IGFBP2: variants seen among roughly 807,000 people sequenced by gnomAD.
IGFBP2 encodes insulin-like growth factor-binding protein 2.
IGFBP2 carries 12 observed loss-of-function variants against 26.2 expected under a neutral mutation model. That is an observed-to-expected ratio of 0.46 (90% CI 0.29 to 0.74). The LOEUF (loss-of-function observed/expected upper bound fraction) is 0.74, where lower values mean the gene tolerates loss of function less well. Among genes scored for constraint, IGFBP2 ranks in the 30% least tolerant of loss-of-function variants. The pLI is 0.09. For synonymous variants in IGFBP2, 189 were observed against 200.6 expected (o/e 0.94, Z 0.49); for missense variants, 328 against 441.2 (o/e 0.74, Z 2.30).
chr2:216,646,309 T>C (rs1697708475), intron 1 of IGFBP2, among the ~76,000 whole-genome samples: 1 of 152,148 alleles, frequency 6.6e-6, no homozygotes, highest in Non-Finnish European at 1.5e-5. Context: ...GATTGCATCA[T>C]CGAAACTGAA....
intron 1 of IGFBP2, among the ~76,000 whole-genome samples, chr2:216,638,420 G>A (rs1019318385): frequency 2.0e-5 from 3 of 151,716 alleles, no homozygotes; most frequent in African/African-American, 4.8e-5. Context: ...TAGGAGAATC[G>A]CTTGAACCTG....
chr2:216,633,763 G>A lies in IGFBP2; in HGVS notation c.240G>A (p.Arg80=). The A allele has an allele frequency of 7.4e-7, 1 of 1,351,580 alleles. No homozygotes were observed. Among genetic ancestry groups the A allele is most frequent in the Non-Finnish European group, 9.5e-7 (1 of 1,055,566 alleles). 83.7% of individuals were successfully genotyped at this position (1,351,580 alleles called of 1,614,324 possible). A position where few individuals can be genotyped will look rare whatever the true frequency, so the allele number is the denominator to read the frequency against. ...GCATGCCATGCGCGGAGCTCGTCCG[G>A]GAGCCGGGCTGCGGCTGCTGCTCGG... ...GARMPCAELV[R]EPGCGCCSVC... The change falls in exon 1 of 4, where the codon CGG becomes CGA. Residue 80 remains arginine, a synonymous_variant. Transcript: ENST00000233809.
At chr2:216,644,153 G>A (rs1697665962) in intron 1 of IGFBP2, among the ~76,000 whole-genome samples, 1 of 150,804 alleles carries the variant, frequency 6.6e-6, no homozygotes, top group Non-Finnish European at 1.5e-5. Flanking sequence ...AGCAACTGTA[G>A]TCAGGAATTT....
chr2:216,651,886 C>G (rs761024172), intron 1 of IGFBP2, among the ~76,000 whole-genome samples: 1 of 152,200 alleles, frequency 6.6e-6, no homozygotes, highest in Non-Finnish European at 1.5e-5. Flanking sequence ...CTCAGCCTCT[C>G]AAGTAGCTGG....
intron 1 of IGFBP2, among the ~76,000 whole-genome samples, chr2:216,652,584 G>A (rs933411613): frequency 6.6e-6 from 1 of 152,202 alleles, no homozygotes; most frequent in Non-Finnish European, 1.5e-5. Flanking sequence ...TGGCATTCAG[G>A]GTTCTTGACT....
chr2:216,663,885 C>T (rs1186444074), intron 3 of IGFBP2, 55 bp from the exon 4 acceptor site: 17 of 1,568,212 alleles, frequency 1.1e-5, no homozygotes, highest in Non-Finnish European at 1.4e-5. Context: ...GGTTGAGGGA[C>T]AGAAGGAAAG....
intron 1 of IGFBP2, among the ~76,000 whole-genome samples, chr2:216,644,916 G>A (rs1440894364): frequency 1.3e-5 from 2 of 152,190 alleles, no homozygotes; most frequent in Non-Finnish European, 2.9e-5. Context: ...ACTCACACAT[G>A]CAGAAAAGCA....
intron 1 of IGFBP2, among the ~76,000 whole-genome samples, chr2:216,637,562 A>G (rs934860427): frequency 1.3e-5 from 2 of 152,252 alleles, no homozygotes; most frequent in African/African-American, 4.8e-5. Context: ...TGTGGTGGTA[A>G]TGACCCACTT....
chr2:216,637,597 G>A (rs189051235), intron 1 of IGFBP2, among the ~76,000 whole-genome samples: 3 of 152,328 alleles, frequency 2.0e-5, no homozygotes, highest in East Asian at 1.9e-4. Flanking sequence ...TTTGAGGAAG[G>A]TTCGAGAACA....
Position 216,660,547 on chromosome 2 carries a change from C to G in IGFBP2, c.443-10C>G. 2 of 1,586,372 alleles carry G rather than the reference C, an allele frequency of 1.3e-6. No individual in the cohort carries two copies. The highest frequency in any genetic ancestry group is 1.7e-5 in the Admixed American group (1 of 57,946). ...GACCTGGAGCTTTTCTTCCCTTCCT[C>G]TCTTGGCAGACAATGGCGATGACCA... On this transcript the variant is annotated splice_polypyrimidine_tract_variant and intron_variant, in intron 1 of 3. Transcript: ENST00000233809.
chr2:216,640,082 C>T (rs948528089), intron 1 of IGFBP2, among the ~76,000 whole-genome samples: 2 of 152,132 alleles, frequency 1.3e-5, no homozygotes, highest in African/African-American at 2.4e-5. Flanking sequence ...CTTTCCTTTC[C>T]CACACTTCTC....
chr2:216,653,427 A>G (rs1697863676), intron 1 of IGFBP2, among the ~76,000 whole-genome samples: 2 of 152,222 alleles, frequency 1.3e-5, no homozygotes, highest in East Asian at 3.8e-4. Context: ...CATAGAAGTG[A>G]ACAATAAAGG....
chr2:216,634,906 T>TTTTTTTTTTTTTTTAA (rs371560018), intron 1 of IGFBP2, among the ~76,000 whole-genome samples: 1 of 128,490 alleles, frequency 7.8e-6, no homozygotes, highest in Non-Finnish European at 1.6e-5. Context: ...TTTTTTTTTT[T>TTTTTTTTTTTTTTTAA]AATTACGAAA....
chr2:216,659,105 G>T (rs1697978949), intron 1 of IGFBP2, among the ~76,000 whole-genome samples: 2 of 152,168 alleles, frequency 1.3e-5, no homozygotes. Flanking sequence ...AGTGAAGAGT[G>T]ACTAGTTCTC....
chr2:216,640,475 AATTC>A (rs1235016135), intron 1 of IGFBP2, among the ~76,000 whole-genome samples: 1 of 152,202 alleles, frequency 6.6e-6, no homozygotes, highest in Non-Finnish European at 1.5e-5. Flanking sequence ...TCTGGCCAGC[AATTC>A]ACTGAGATGG....
chr2:216,662,145 GC>G, intron 3 of IGFBP2, 147 bp downstream of exon 3: 1 of 901,356 alleles, frequency 1.1e-6, no homozygotes, highest in Non-Finnish European at 1.7e-6. Context: ...GGATTGGGAT[GC>G]CAGCTGCCAG....
chr2:216,659,793 G>T (rs1361950629), intron 1 of IGFBP2: 4 of 1,478,004 alleles, frequency 2.7e-6, no homozygotes, highest in Middle Eastern at 1.7e-4. Flanking sequence ...CCTGTTCTTG[G>T]GGCTCTCAGT....
chr2:216,650,721 G>A (rs1194469051), intron 1 of IGFBP2, among the ~76,000 whole-genome samples: 1 of 152,178 alleles, frequency 6.6e-6, no homozygotes, highest in African/African-American at 2.4e-5. Flanking sequence ...TTATAACCTA[G>A]GGGACTTGTG....
rs1697712958 is a variant in IGFBP2, at chr2:216,646,580, T to C, written c.442+12615T>C. ...CTGCTGATAAAGACATACCCAAGAC[T>C]GGGTAATTTACAAAAGAAAGAGGTT... On this transcript the variant is annotated intron_variant, in intron 1 of 3. Coordinates refer to ENST00000233809, the MANE Select transcript of IGFBP2 (RefSeq NM_000597.3). Among the ~76,000 whole-genome samples the C allele has an allele frequency of 2.6e-5, 4 of 152,200 alleles. No homozygotes were observed. The South Asian group carries it at 6.2e-4, about 24-fold the overall frequency.
Sources: gnomAD v4.1 joint callset for allele counts (sites outside exome capture counted in the v4.1 genomes callset) on GRCh38, gnomAD v4.1.1 for gene constraint, MANE v1.5 for transcripts, NCBI Gene and HGNC (gene_info 2026-07-23, HGNC 2026-07-21) for gene names.